Variants in RBL1 observed in about 807,000 individuals in gnomAD.
RBL1 encodes retinoblastoma-like protein 1.
A neutral mutation model predicts 123.0 loss-of-function variants in RBL1; 82 were observed. The observed-to-expected ratio is 0.67, with a 90% CI of 0.56 to 0.80. RBL1 has a LOEUF of 0.80. Among genes scored for constraint, RBL1 ranks in the 30% least tolerant of loss-of-function variants. RBL1 has a pLI of 0.00. For missense variants in RBL1, 1,171 were observed against 1,299.6 expected (o/e 0.90, Z 1.52); for synonymous variants, 405 against 441.3 (o/e 0.92, Z 1.03).
At position 37,007,441 on chromosome 20, in the gene RBL1, CA is replaced by C; in HGVS notation, c.2840del (p.Leu947ArgfsTer11). On this transcript the variant is annotated frameshift_variant, in exon 20 of 22. Transcript: ENST00000373664. LOFTEE classifies it high-confidence loss of function. ...GGTCCTGATTCGCCAAGTCGTATTT[CA>C]GTGCAAATGACTTCACTCTTCCTAC... Reference protein sequence around the residue: ...IYVGRVKSFALKYDLANQDHM... With the variant: ...IYVGRVKSFAXKYDLANQDHM... 6.2e-7 allele frequency: 1 copy of C among 1,613,806 alleles called. No individual in the cohort carries two copies. The highest frequency in any genetic ancestry group is 8.5e-7 in the Non-Finnish European group (1 of 1,179,870).
At chr20:37,061,602 T>C (rs1476973401) in intron 8 of RBL1, among the ~76,000 whole-genome samples, 1 of 152,226 alleles carries the variant, frequency 6.6e-6, no homozygotes, top group South Asian at 2.1e-4. Flanking sequence ...GGTTTTACTA[T>C]GTTCTAGACA....
At chr20:37,068,802 C>A (rs1211548054) in intron 2 of RBL1, among the ~76,000 whole-genome samples, 4 of 152,130 alleles carry the variant, frequency 2.6e-5, no homozygotes, top group African/African-American at 7.2e-5. Context: ...ATGAAGAAAC[C>A]CCGTCTCTAC....
chr20:37,056,136 C>G lies in RBL1; in HGVS notation c.1363+10G>C. On this transcript the variant is annotated intron_variant, in intron 10 of 21. Coordinates refer to ENST00000373664, the MANE Select transcript of RBL1 (RefSeq NM_002895.5). ...TCAATGCTATGCCAACTGTAGTTTT[C>G]TTTTCTTACCTATGTGAGATCCTGG... 6.2e-7 allele frequency: 1 copy of G among 1,600,026 alleles called. No homozygotes were observed. Among genetic ancestry groups the G allele is most frequent in the South Asian group, 1.1e-5 (1 of 88,646 alleles).
Position 37,067,033 on chromosome 20 carries a change from C to A in RBL1, c.645G>T (p.Met215Ile). The A allele has an allele frequency of 6.2e-7, 1 of 1,609,678 alleles. No homozygotes were observed. Residue 215 changes from methionine (M) to isoleucine (I), a missense_variant, in exon 5 of 22, where the codon ATG becomes ATT. Transcript: ENST00000373664. ...CLDLIFANAIMCPNRQDLLNP... is the reference protein window; with the variant it reads ...CLDLIFANAIICPNRQDLLNP... ...TTAGCAAGTCTTGTCTATTTGGGCA[C>A]ATAATCGCATTGGCAAAAATCAGAT... is the stretch of plus-strand genomic sequence containing the variant.
chr20:37,046,788 T>A (rs1330732844), intron 12 of RBL1, among the ~76,000 whole-genome samples: 1 of 151,960 alleles, frequency 6.6e-6, no homozygotes, highest in Non-Finnish European at 1.5e-5. Context: ...TTTTTTGGTA[T>A]TTTTAGTAGA....
chr20:37,055,581 G>A lies in RBL1; in HGVS notation c.1439C>T (p.Thr480Ile), dbSNP rs2064990660. The change falls in exon 11 of 22, where the codon ACA (threonine) becomes ATA (isoleucine). Residue 480 changes from threonine (T) to isoleucine (I), a missense_variant. Physicochemically the swap from Thr to Ile is moderately conservative, Grantham distance 89 (BLOSUM62 -1). Transcript: ENST00000373664. ...CATGTCCATTCCATGAAGTCTTCGTGTTTCCTGAACCATTACAGTCTCTAG... is the reference window on the plus strand; with the variant it reads ...CATGTCCATTCCATGAAGTCTTCGTATTTCCTGAACCATTACAGTCTCTAG... ...KILETVMVQE[T>I]RRLHGMDMSV... 1.2e-6 allele frequency: 2 copies of A among 1,613,930 alleles called. No homozygotes were observed. The highest frequency in any genetic ancestry group is 1.7e-6 in the Non-Finnish European group (2 of 1,180,030).
rs538550382 is a variant in RBL1, at chr20:37,072,207, G to A, written c.291-4021C>T. ...TTTTTGGCCGGGTGCAGTGGCTCAC[G>A]CCTGTAATCCCAGCACTTTGGGAGT... is the stretch of plus-strand genomic sequence containing the variant. On this transcript the variant is annotated intron_variant, in intron 2 of 21. Transcript: ENST00000373664. 7.9e-3 allele frequency among the ~76,000 whole-genome samples: 1,202 copies of A among 152,298 alleles called. 12 individuals carry two copies. Among genetic ancestry groups the A allele is most frequent in the Non-Finnish European group, 0.013 (900 of 68,018 alleles).
chr20:37,015,430 G>T (rs143456493), intron 19 of RBL1, among the ~76,000 whole-genome samples: 1,789 of 151,606 alleles, frequency 0.012, 14 homozygotes, highest in Middle Eastern at 0.054. Context: ...GGCTTTTTTT[G>T]TTGTTGTTTT....
intron 21 of RBL1, 75 bp downstream of exon 21, chr20:37,003,625 GAA>G (rs533001306): frequency 6.9e-4 from 783 of 1,142,430 alleles, no homozygotes; most frequent in South Asian, 2.2e-3. Flanking sequence ...GGCCAAAAAA[GAA>G]AAAAAAAAAA....
At chr20:37,020,083 C>T (rs1417402991) in intron 18 of RBL1, among the ~76,000 whole-genome samples, 1 of 148,248 alleles carries the variant, frequency 6.7e-6, no homozygotes, top group African/African-American at 2.5e-5. Context: ...TATTATTATA[C>T]ATAACTTTTT....
chr20:37,047,016 G>A (rs2064827386), intron 12 of RBL1, 37 bp downstream of exon 12: 1 of 1,551,350 alleles, frequency 6.4e-7, no homozygotes, highest in African/African-American at 1.4e-5. Flanking sequence ...GAGAAACACT[G>A]TTTTCATCTC....
intron 16 of RBL1, among the ~76,000 whole-genome samples, chr20:37,026,829 C>T (rs1233482350): frequency 6.6e-6 from 1 of 150,544 alleles, no homozygotes; most frequent in East Asian, 1.9e-4. Flanking sequence ...GTGGTGAAAC[C>T]CTGTCTCTAC....
In RBL1 at chr20:37,080,462, C is replaced by CT. The variant is rs796643116; in HGVS notation, c.290+8526dup. Among the ~76,000 whole-genome samples, 930 of 132,670 alleles carry CT rather than the reference C, an allele frequency of 7.0e-3. 7 individuals carry two copies. Among genetic ancestry groups the CT allele is most frequent in the African/African-American group, 0.021 (755 of 35,754 alleles). The allele number at this position is 132,670 out of a possible 152,430, so 87.0% of individuals were successfully genotyped here. A position where few individuals can be genotyped will look rare whatever the true frequency, so the allele number is the denominator to read the frequency against. ...TCCCGCCGCAATTTACTCTCTCTCT[C>CT]TTTTTTTTTTTTTTGAGATGGAATC... is the stretch of plus-strand genomic sequence containing the variant. On this transcript the variant is annotated intron_variant, in intron 2 of 21. Coordinates refer to ENST00000373664, the MANE Select transcript of RBL1 (RefSeq NM_002895.5).
chr20:37,031,200 T>A (rs1032156389), intron 16 of RBL1, among the ~76,000 whole-genome samples: 5 of 152,180 alleles, frequency 3.3e-5, no homozygotes, highest in African/African-American at 1.2e-4. Context: ...AAATTGACTT[T>A]ATTAAGATTA....
At chr20:37,068,663 A>T (rs879617715) in intron 2 of RBL1, among the ~76,000 whole-genome samples, 12 of 152,156 alleles carry the variant, frequency 7.9e-5, no homozygotes, top group Non-Finnish European at 1.3e-4. Flanking sequence ...TACTTCCTTT[A>T]TTCTCTATAT....
At chr20:37,022,945 A>G (rs2064366994) in intron 16 of RBL1, 119 bp from the exon 17 acceptor site, 1 of 796,416 alleles carries the variant, frequency 1.3e-6, no homozygotes. Flanking sequence ...ATTAAATAAA[A>G]TTTCTGTTCT....
intron 11 of RBL1, 64 bp downstream of exon 11, chr20:37,055,489 C>G: frequency 6.2e-7 from 1 of 1,609,794 alleles, no homozygotes; most frequent in Non-Finnish European, 8.5e-7. Context: ...CAGAGCCTCT[C>G]AAAACACTGC....
intron 2 of RBL1, among the ~76,000 whole-genome samples, chr20:37,075,593 T>C (rs1871569026): frequency 6.6e-6 from 1 of 152,078 alleles, no homozygotes; most frequent in South Asian, 2.1e-4. Context: ...GTAGCTGGGA[T>C]TATAGGCACA....
At position 37,032,652 on chromosome 20, in the gene RBL1, T is replaced by A. The variant is rs201688151; in HGVS notation, c.2382+13A>T. The stretch of plus-strand genomic sequence containing the variant: ...TTAAACAAATTCTTCTAAAGTGCTA[T>A]AAAAACACATACCTTTCTGTAAAAT... On this transcript the variant is annotated intron_variant, in intron 16 of 21. Coordinates refer to ENST00000373664, the MANE Select transcript of RBL1 (RefSeq NM_002895.5). 1 of 1,613,550 alleles carries A rather than the reference T, an allele frequency of 6.2e-7. No homozygotes were observed. The highest frequency in any genetic ancestry group is 2.2e-5 in the East Asian group (1 of 44,822).
Sources: allele counts gnomAD v4.1 joint callset (sites outside exome capture counted in the v4.1 genomes callset), GRCh38; gene constraint gnomAD v4.1.1; transcripts MANE v1.5; gene names NCBI Gene and HGNC (gene_info 2026-07-23, HGNC 2026-07-21).